Variants in RANBP2 observed in about 807,000 individuals in gnomAD.
RANBP2 encodes the protein E3 SUMO-protein ligase RanBP2.
Under a neutral mutation model 303.6 loss-of-function variants are expected in RANBP2, and 57 were observed. The ratio of observed to expected loss-of-function variants is 0.19; its 90% confidence interval spans 0.15 to 0.23. RANBP2 has a LOEUF of 0.23. RANBP2 is among the 10% of genes least tolerant of loss of function. The pLI is 1.00. For missense variants in RANBP2, 3,138 were observed against 3,780.8 expected, an observed-to-expected ratio of 0.83 and a Z score of 4.46; for synonymous variants, 1,167 against 1,301.5, an observed-to-expected ratio of 0.90 and a Z score of 2.23.
the RANBP2 span, among the ~76,000 whole-genome samples, chr2:109,524,980 T>C: frequency 6.6e-6 from 1 of 152,020 alleles, no homozygotes. Flanking sequence ...TCATCCGTCC[T>C]CTGCATCTTC....
At chr2:109,186,398 G>A in the RANBP2 span, among the ~76,000 whole-genome samples, 1 of 152,242 alleles carries the variant, frequency 6.6e-6, no homozygotes, top group Admixed American at 6.5e-5. Flanking sequence ...TTAAGAGGCG[G>A]AGCCTCGATA....
At chr2:109,576,224 G>A in the RANBP2 span, among the ~76,000 whole-genome samples, 3 of 152,240 alleles carry the variant, frequency 2.0e-5, no homozygotes, top group South Asian at 6.2e-4. Flanking sequence ...TTGTGCCACT[G>A]CACACCAGCC....
chr2:108,872,341 C>G, the RANBP2 span, among the ~76,000 whole-genome samples: 2 of 152,232 alleles, frequency 1.3e-5, no homozygotes, highest in South Asian at 4.1e-4. Flanking sequence ...CTCGTTCCAC[C>G]ACCACATACA....
the RANBP2 span, among the ~76,000 whole-genome samples, chr2:109,194,172 T>C: frequency 8.0e-3 from 1,225 of 152,346 alleles, 12 homozygotes; most frequent in East Asian, 0.04. Flanking sequence ...TTCCCAGCAC[T>C]GGTTGGAATC....
chr2:108,985,475 C>T, the RANBP2 span, among the ~76,000 whole-genome samples: 987 of 152,344 alleles, frequency 6.5e-3, 10 homozygotes, highest in African/African-American at 0.022. Flanking sequence ...GGGCTCCTTA[C>T]GGCCCACCTG....
Position 108,729,189 on chromosome 2 carries a change from C to A in RANBP2, c.130C>A (p.Leu44Ile). The A allele has an allele frequency of 6.4e-7, 1 of 1,568,606 alleles. No individual in the cohort carries two copies. Among genetic ancestry groups the A allele is most frequent in the Non-Finnish European group, 8.6e-7 (1 of 1,158,800 alleles). ...GTATTATGAAGCTAAAGAATATGAT[C>A]TTGCTAAAAAGTAAGTACAAACTGT... ...KLYYEAKEYD[L>I]AKKYICTYIN... The change falls in exon 2 of 29, where the codon CTT becomes ATT. Residue 44 changes from leucine (L) to isoleucine (I), a missense_variant. Transcript: ENST00000283195.
intron 25 of RANBP2, 142 bp from the exon 26 acceptor site, chr2:108,781,127 T>C (rs1558941104): frequency 1.6e-5 from 15 of 966,048 alleles, no homozygotes; most frequent in Non-Finnish European, 2.0e-5. Flanking sequence ...GTGAGGAATT[T>C]ACTAGAATAA....
At chr2:109,523,548 G>A in the RANBP2 span, among the ~76,000 whole-genome samples, 1 of 151,770 alleles carries the variant, frequency 6.6e-6, no homozygotes, top group East Asian at 1.9e-4. Context: ...GAATGGGTAG[G>A]TGCCCCTGCT....
the RANBP2 span, among the ~76,000 whole-genome samples, chr2:109,603,534 C>T: frequency 6.0e-5 from 9 of 150,344 alleles, no homozygotes; most frequent in African/African-American, 2.2e-4. Context: ...CCACCGCGCC[C>T]GGCCTCATAA....
At chr2:109,326,838 G>A in the RANBP2 span, among the ~76,000 whole-genome samples, 6 of 152,168 alleles carry the variant, frequency 3.9e-5, no homozygotes, top group Admixed American at 6.5e-5. Flanking sequence ...GAGAGTATCC[G>A]TAGGTGCGCA....
At chr2:108,866,719 C>G in the RANBP2 span, among the ~76,000 whole-genome samples, 2 of 152,094 alleles carry the variant, frequency 1.3e-5, no homozygotes, top group African/African-American at 2.4e-5. Context: ...CCCGTCTCTA[C>G]TAAAAATACA....
In RANBP2 at chr2:108,763,222, C is replaced by T; in HGVS notation, c.2698-15C>T. 6.2e-7 allele frequency: 1 copy of T among 1,612,878 alleles called. No homozygotes were observed. The highest frequency in any genetic ancestry group is 8.5e-7 in the Non-Finnish European group (1 of 1,179,506). On this transcript the variant is annotated splice_polypyrimidine_tract_variant and intron_variant, in intron 19 of 28. Coordinates refer to ENST00000283195, the MANE Select transcript of RANBP2 (RefSeq NM_006267.5). ...GTAGACAATCTACAAAATGTTTTAA[C>T]TTTCTGTCTTTTAGGGCCCAGTCTA... is the stretch of plus-strand genomic sequence containing the variant.
the RANBP2 span, among the ~76,000 whole-genome samples, chr2:108,824,906 G>A: frequency 6.6e-6 from 1 of 152,164 alleles, no homozygotes; most frequent in Non-Finnish European, 1.5e-5. Flanking sequence ...TATGTGGTCA[G>A]TTGACCGAAA....
chr2:108,997,289 A>C, the RANBP2 span, among the ~76,000 whole-genome samples: 1 of 151,798 alleles, frequency 6.6e-6, no homozygotes, highest in Non-Finnish European at 1.5e-5. Flanking sequence ...AAAATACAAA[A>C]AATTAGCCAG....
At chr2:109,018,923 G>C in the RANBP2 span, among the ~76,000 whole-genome samples, 1 of 152,246 alleles carries the variant, frequency 6.6e-6, no homozygotes, top group Non-Finnish European at 1.5e-5. Flanking sequence ...CTAGCACCAG[G>C]ACAGTGGTGA....
the RANBP2 span, among the ~76,000 whole-genome samples, chr2:109,434,652 G>A: frequency 6.6e-6 from 1 of 152,152 alleles, no homozygotes. Flanking sequence ...TTGCCTGGAG[G>A]CCCTCATCCT....
the RANBP2 span, among the ~76,000 whole-genome samples, chr2:108,808,206 G>A: frequency 6.6e-6 from 1 of 152,126 alleles, no homozygotes; most frequent in Non-Finnish European, 1.5e-5. Context: ...TAAAGAAAAT[G>A]TGGTTATAAA....
the RANBP2 span, among the ~76,000 whole-genome samples, chr2:109,691,790 G>T: frequency 5.8e-4 from 87 of 149,944 alleles, no homozygotes; most frequent in African/African-American, 1.8e-3. Context: ...AGTTTTTTTG[G>T]TTTTTTTTTT....
At chr2:109,356,607 AG>A in the RANBP2 span, among the ~76,000 whole-genome samples, 1 of 152,150 alleles carries the variant, frequency 6.6e-6, no homozygotes, top group African/African-American at 2.4e-5. Flanking sequence ...GGCCCATCCC[AG>A]GGCTTGGCAC....
Sources: gnomAD v4.1 joint callset for allele counts (sites outside exome capture counted in the v4.1 genomes callset) on GRCh38, gnomAD v4.1.1 for gene constraint, MANE v1.5 for transcripts, NCBI Gene and HGNC (gene_info 2026-07-23, HGNC 2026-07-21) for gene names.